ZNF521: variants seen among roughly 807,000 people sequenced by gnomAD.
ZNF521 encodes the protein LYST-interacting protein 3.
Under a neutral mutation model 105.5 loss-of-function variants are expected in ZNF521, and 14 were observed. That is an observed-to-expected ratio of 0.13 (90% CI 0.09 to 0.21). The LOEUF (loss-of-function observed/expected upper bound fraction) is 0.21, where lower values mean the gene tolerates loss of function less well. ZNF521 is among the 10% of genes least tolerant of loss of function. The pLI is 1.00. For missense variants in ZNF521, 1,233 were observed against 1,629.7 expected, an observed-to-expected ratio of 0.76 and a Z score of 4.19; for synonymous variants, 635 against 606.0, an observed-to-expected ratio of 1.05 and a Z score of -0.70.
chr18:25,241,257 T>C (rs1907311247), intron 3 of ZNF521, among the ~76,000 whole-genome samples: 1 of 152,206 alleles, frequency 6.6e-6, no homozygotes, highest in Non-Finnish European at 1.5e-5. Context: ...CTCCCTCTCC[T>C]GAGAGTGATG....
At chr18:25,293,587 T>G (rs1911160776) in intron 3 of ZNF521, among the ~76,000 whole-genome samples, 1 of 152,216 alleles carries the variant, frequency 6.6e-6, no homozygotes. Flanking sequence ...CTTCTTAAGA[T>G]AGGTATTTAT....
intron 7 of ZNF521, among the ~76,000 whole-genome samples, chr18:25,071,230 G>A (rs1482635533): frequency 6.6e-6 from 1 of 152,158 alleles, no homozygotes; most frequent in Non-Finnish European, 1.5e-5. Flanking sequence ...GCAGTAAAAC[G>A]TAGTCAATGG....
chr18:25,226,826 T>G lies in ZNF521; in HGVS notation c.1092A>C (p.Ser364=). 6.2e-7 allele frequency: 1 copy of G among 1,613,970 alleles called. No individual in the cohort carries two copies. Among genetic ancestry groups the G allele is most frequent in the Non-Finnish European group, 8.5e-7 (1 of 1,179,916 alleles). ...VSSTTPDSNL[S]VDSSTMVEAA... ...CTTCCACCATGGTTGAGCTGTCCAC[T>G]GAGAGGTTGGAATCTGGAGTCGTAC... Residue 364 remains serine, a synonymous_variant, in exon 4 of 8, where the codon TCA becomes TCC. Transcript: ENST00000361524. This position sits in a 1 kb window ranked among gnomAD's most constrained non-coding sequence, Gnocchi z 4.1.
rs187094302 is a variant in ZNF521 at position 25,339,909 on chromosome 18, C to T, written c.40+10998G>A. Among the ~76,000 whole-genome samples, 298 of 152,312 alleles carry T rather than the reference C, an allele frequency of 2.0e-3. 1 individual carries two copies. Among genetic ancestry groups the T allele is most frequent in the African/African-American group, 5.4e-3 (226 of 41,556 alleles). On this transcript the variant is annotated intron_variant, in intron 2 of 7. Coordinates refer to ENST00000361524, the MANE Select transcript of ZNF521 (RefSeq NM_015461.3). ...ATTACAACACCGACTTGAAAATCCA[C>T]AATCTAAGCCTAGAAGAGATTCAAA...
chr18:25,138,871 C>G (rs950916290), intron 5 of ZNF521, among the ~76,000 whole-genome samples: 4 of 152,140 alleles, frequency 2.6e-5, no homozygotes, highest in African/African-American at 9.7e-5. Flanking sequence ...CCCACGAACA[C>G]TGCCTTACTC....
intron 2 of ZNF521, among the ~76,000 whole-genome samples, chr18:25,346,312 C>T (rs1200560994): frequency 1.3e-5 from 2 of 151,678 alleles, no homozygotes; most frequent in Admixed American, 1.3e-4. Flanking sequence ...CACCTGTCTA[C>T]CCGTAAGTAT....
chr18:25,266,000 A>T (rs1210647282), intron 3 of ZNF521, among the ~76,000 whole-genome samples: 2 of 152,184 alleles, frequency 1.3e-5, no homozygotes, highest in Admixed American at 6.5e-5. Flanking sequence ...AATTGAACTC[A>T]TGAATACAGT....
intron 3 of ZNF521, among the ~76,000 whole-genome samples, chr18:25,316,558 T>A (rs1199713870): frequency 1.3e-5 from 2 of 152,034 alleles, no homozygotes; most frequent in African/African-American, 4.8e-5. Flanking sequence ...AAAAGCATCA[T>A]ATTACTTTTT....
intron 3 of ZNF521, among the ~76,000 whole-genome samples, chr18:25,267,207 C>A (rs1054532370): frequency 2.0e-5 from 3 of 152,104 alleles, no homozygotes; most frequent in African/African-American, 7.2e-5. Flanking sequence ...AAGGCCTCTG[C>A]GGCCAGACTG....
chr18:25,260,751 T>C (rs898581655), intron 3 of ZNF521, among the ~76,000 whole-genome samples: 1 of 152,146 alleles, frequency 6.6e-6, no homozygotes, highest in African/African-American at 2.4e-5. Flanking sequence ...CTCAGAATAT[T>C]TTCTCAGCAT....
chr18:25,102,307 CTG>C (rs2033982676), intron 5 of ZNF521, among the ~76,000 whole-genome samples: 1 of 151,766 alleles, frequency 6.6e-6, no homozygotes, highest in Non-Finnish European at 1.5e-5. Flanking sequence ...CCTCACAAAA[CTG>C]TATTTTTTGG....
At chr18:25,323,804 A>G (rs553155908) in intron 2 of ZNF521, among the ~76,000 whole-genome samples, 1 of 152,244 alleles carries the variant, frequency 6.6e-6, no homozygotes, top group East Asian at 1.9e-4. Context: ...CTTGTCTGGC[A>G]GTTGTTCTAG....
At chr18:25,331,865 T>C (rs1054920261) in intron 2 of ZNF521, among the ~76,000 whole-genome samples, 16 of 151,136 alleles carry the variant, frequency 1.1e-4, no homozygotes, top group Non-Finnish European at 1.6e-4. Flanking sequence ...TCAATTCTCT[T>C]TACTAGTGAC....
intron 3 of ZNF521, among the ~76,000 whole-genome samples, chr18:25,320,462 C>T (rs957410837): frequency 1.4e-4 from 22 of 152,166 alleles, no homozygotes; most frequent in Non-Finnish European, 5.9e-5. Context: ...TGAGCCACCG[C>T]GCCTGGCCTA....
rs112202947 is a variant in ZNF521 at position 25,337,698 on chromosome 18, T to C, written c.40+13209A>G. 2.6e-5 allele frequency among the ~76,000 whole-genome samples: 4 copies of C among 152,328 alleles called. 1 individual carries two copies. Among genetic ancestry groups the C allele is most frequent in the African/African-American group, 9.6e-5 (4 of 41,578 alleles). ...GGTCTTACTTCTTTGGAGGGCACAC[T>C]GGCGGTATCCATTAAAATTTTAAAT... is the stretch of plus-strand genomic sequence containing the variant. On this transcript the variant is annotated intron_variant, in intron 2 of 7. Coordinates refer to ENST00000361524, the MANE Select transcript of ZNF521 (RefSeq NM_015461.3).
chr18:25,277,394 G>A (rs1237598074), intron 3 of ZNF521, among the ~76,000 whole-genome samples: 2 of 152,016 alleles, frequency 1.3e-5, no homozygotes, highest in African/African-American at 4.8e-5. Context: ...TAGGAAGTAA[G>A]AGAAAGGTAA....
intron 7 of ZNF521, among the ~76,000 whole-genome samples, chr18:25,076,389 A>C (rs2033362659): frequency 6.6e-6 from 1 of 152,188 alleles, no homozygotes; most frequent in Admixed American, 6.5e-5. Flanking sequence ...AGTTCCACGC[A>C]ATGGATGTGA....
rs1600139553 is a variant in ZNF521 at position 25,192,794 on chromosome 18, A to G, written c.3658+2366T>C. 2.0e-5 allele frequency among the ~76,000 whole-genome samples: 3 copies of G among 152,108 alleles called. No individual in the cohort carries two copies. In the South Asian group the frequency reaches 6.2e-4, roughly 32 times the overall value. ...GCAGCCTGCATCATTTGAAAGACTAAATAGCACATTGGAATTCTAAAAAGG... is the reference window on the plus strand; with the variant it reads ...GCAGCCTGCATCATTTGAAAGACTAGATAGCACATTGGAATTCTAAAAAGG... On this transcript the variant is annotated intron_variant, in intron 5 of 7. Transcript: ENST00000361524.
chr18:25,113,748 C>T (rs2034243221), intron 5 of ZNF521, among the ~76,000 whole-genome samples: 1 of 46,054 alleles, frequency 2.2e-5, no homozygotes, highest in African/African-American at 8.7e-5. Flanking sequence ...GCAGGCAGAC[C>T]GAAGGACGGA....
Sources: gnomAD v4.1 joint callset for allele counts (sites outside exome capture counted in the v4.1 genomes callset) on GRCh38, gnomAD v4.1.1 for gene constraint, Gnocchi (gnomAD v3.1) non-coding constraint, MANE v1.5 for transcripts, NCBI Gene and HGNC (gene_info 2026-07-23, HGNC 2026-07-21) for gene names.